Variants in MTHFD2L observed in about 807,000 individuals in gnomAD.
The protein encoded by MTHFD2L is bifunctional methylenetetrahydrofolate dehydrogenase/cyclohydrolase 2, mitochondrial.
Under a neutral mutation model 34.9 loss-of-function variants are expected in MTHFD2L, and 29 were observed. That is an observed-to-expected ratio of 0.83 (90% CI 0.62 to 1.13). The LOEUF (loss-of-function observed/expected upper bound fraction) is 1.13, where lower values mean the gene tolerates loss of function less well. Ranked by LOEUF, MTHFD2L falls within the 50% of genes most tolerant of loss-of-function variation. The pLI is 0.00. For missense variants in MTHFD2L, 481 were observed against 446.5 expected (o/e 1.08, Z -0.70); for synonymous variants, 167 against 155.7 (o/e 1.07, Z -0.54).
intron 3 of MTHFD2L, among the ~76,000 whole-genome samples, chr4:74,181,492 A>C (rs1368945519): frequency 3.9e-5 from 6 of 152,212 alleles, no homozygotes; most frequent in Non-Finnish European, 8.8e-5. Flanking sequence ...AGTAAGTACC[A>C]GAGCGTTGTC....
chr4:74,208,970 A>G (rs1735820332), intron 5 of MTHFD2L, among the ~76,000 whole-genome samples: 1 of 152,132 alleles, frequency 6.6e-6, no homozygotes, highest in Admixed American at 6.5e-5. Flanking sequence ...TCAGAAGCCT[A>G]TCTAAGGGTC....
intron 1 of MTHFD2L, chr4:74,143,540 A>G: frequency 3.6e-6 from 2 of 560,980 alleles, no homozygotes; most frequent in Non-Finnish European, 4.5e-6. Flanking sequence ...CCTGGAACCC[A>G]TGTCAGCCAA....
At chr4:74,222,781 AT>A (rs1361246834) in intron 5 of MTHFD2L, among the ~76,000 whole-genome samples, 4 of 152,098 alleles carry the variant, frequency 2.6e-5, no homozygotes, top group Admixed American at 2.6e-4. Context: ...CATTTTCAAA[AT>A]TGTTTGCAAC....
upstream of MTHFD2L, among the ~76,000 whole-genome samples, chr4:74,120,590 T>C (rs766718079): frequency 4.6e-5 from 7 of 152,220 alleles, no homozygotes; most frequent in Non-Finnish European, 1.0e-4. Context: ...TCACACTGTG[T>C]CATCCGTAGA....
intron 6 of MTHFD2L, among the ~76,000 whole-genome samples, chr4:74,235,871 G>A (rs1308608527): frequency 6.6e-6 from 1 of 152,054 alleles, no homozygotes; most frequent in African/African-American, 2.4e-5. Flanking sequence ...CGGCTTGAAA[G>A]CATTGTTTGA....
chr4:74,291,611 A>G (rs1233994462), intron 7 of MTHFD2L, among the ~76,000 whole-genome samples: 1 of 152,178 alleles, frequency 6.6e-6, no homozygotes. Context: ...GGTCCTGGGT[A>G]TATCTGTGCA....
intron 6 of MTHFD2L, among the ~76,000 whole-genome samples, chr4:74,229,670 A>G (rs1328958681): frequency 6.6e-6 from 1 of 152,160 alleles, no homozygotes; most frequent in Non-Finnish European, 1.5e-5. Flanking sequence ...CCAGTTTCTC[A>G]TAGTACTACT....
In MTHFD2L at chr4:74,205,285, C is replaced by T. The variant is rs539339890; in HGVS notation, c.712+3915C>T. 2.0e-5 allele frequency among the ~76,000 whole-genome samples: 3 copies of T among 152,254 alleles called. No individual in the cohort carries two copies. The East Asian group carries it at 5.8e-4, about 29-fold the overall frequency. Reference sequence around the variant, plus strand: ...TGTCTGTTAGGGCAATAATTATGGGCAGTGACTCCATGTGCATTGTTAGCT... The same window carrying T: ...TGTCTGTTAGGGCAATAATTATGGGTAGTGACTCCATGTGCATTGTTAGCT... On this transcript the variant is annotated intron_variant, in intron 5 of 7. Transcript: ENST00000325278.
intron 1 of MTHFD2L, among the ~76,000 whole-genome samples, chr4:74,163,738 G>T (rs184993147): frequency 6.6e-6 from 1 of 152,182 alleles, no homozygotes; most frequent in Non-Finnish European, 1.5e-5. Context: ...TTTTTGGGGG[G>T]TTTCATTTCT....
intron 3 of MTHFD2L, among the ~76,000 whole-genome samples, chr4:74,179,358 C>A (rs559828051): frequency 6.6e-6 from 1 of 151,994 alleles, no homozygotes; most frequent in Non-Finnish European, 1.5e-5. Context: ...ATATTTTTTA[C>A]GATTTTTACC....
intron 1 of MTHFD2L, among the ~76,000 whole-genome samples, chr4:74,137,201 T>C (rs1044367176): frequency 6.6e-6 from 1 of 152,080 alleles, no homozygotes; most frequent in African/African-American, 2.4e-5. Flanking sequence ...GAAAAAACAA[T>C]TGCAAGCTAT....
At chr4:74,269,484 A>G (rs1179266978) in intron 6 of MTHFD2L, among the ~76,000 whole-genome samples, 1 of 152,040 alleles carries the variant, frequency 6.6e-6, no homozygotes, top group Non-Finnish European at 1.5e-5. Flanking sequence ...ATGGGAGTTT[A>G]CAGCAGGAAA....
chr4:74,273,339 G>C (rs193126548), intron 6 of MTHFD2L, among the ~76,000 whole-genome samples: 35 of 152,216 alleles, frequency 2.3e-4, no homozygotes, highest in African/African-American at 7.2e-4. Flanking sequence ...GAAACACTCT[G>C]GGAGAAGAAG....
intron 1 of MTHFD2L, among the ~76,000 whole-genome samples, chr4:74,170,676 A>AT (rs1196323765): frequency 2.6e-5 from 4 of 152,134 alleles, no homozygotes; most frequent in Non-Finnish European, 5.9e-5. Context: ...TTCAAACCCC[A>AT]TATCTGATAA....
chr4:74,246,705 AG>A (rs1168128039), intron 6 of MTHFD2L, among the ~76,000 whole-genome samples: 2 of 152,194 alleles, frequency 1.3e-5, no homozygotes, highest in East Asian at 3.8e-4. Context: ...ATGGCCAGCC[AG>A]TTTTCCCAGC....
chr4:74,186,804 G>GA (rs1731373178), intron 3 of MTHFD2L, among the ~76,000 whole-genome samples: 1 of 152,072 alleles, frequency 6.6e-6, no homozygotes. Flanking sequence ...AAACTTGGGA[G>GA]AAACTGAATA....
intron 7 of MTHFD2L, among the ~76,000 whole-genome samples, chr4:74,300,260 T>C (rs1485620342): frequency 6.6e-6 from 1 of 152,150 alleles, no homozygotes; most frequent in Non-Finnish European, 1.5e-5. Context: ...TATATATATT[T>C]TGTGATGTAT....
intron 1 of MTHFD2L, among the ~76,000 whole-genome samples, chr4:74,170,025 C>T (rs552034403): frequency 6.6e-6 from 1 of 152,234 alleles, no homozygotes; most frequent in South Asian, 2.1e-4. Context: ...AATCAGATAG[C>T]TTCATGGGTG....
At chr4:74,240,890 C>T (rs1266719967) in intron 6 of MTHFD2L, among the ~76,000 whole-genome samples, 2 of 152,104 alleles carry the variant, frequency 1.3e-5, no homozygotes, top group African/African-American at 2.4e-5. Flanking sequence ...TACAAACTAC[C>T]AAACACCTTT....
Sources: gnomAD v4.1 joint callset for allele counts (sites outside exome capture counted in the v4.1 genomes callset) on GRCh38, gnomAD v4.1.1 for gene constraint, MANE v1.5 for transcripts, NCBI Gene and HGNC (gene_info 2026-07-23, HGNC 2026-07-21) for gene names.